The following TANC2 variants were observed in gnomAD, a reference collection of about 807,000 sequenced individuals.
The protein encoded by TANC2 is protein TANC2.
Under a neutral mutation model 210.5 loss-of-function variants are expected in TANC2, and 26 were observed. The observed-to-expected ratio is 0.12, with a 90% confidence interval of 0.09 to 0.17. The LOEUF (loss-of-function observed/expected upper bound fraction) is 0.17. Among genes scored for constraint, TANC2 ranks in the 10% least tolerant of loss-of-function variants. TANC2 has a pLI of 1.00. For synonymous variants in TANC2, 931 were observed against 967.1 expected, an observed-to-expected ratio of 0.96 and a Z score of 0.69; for missense variants, 2,129 against 2,608.9, an observed-to-expected ratio of 0.82 and a Z score of 4.01.
At chr17:63,417,891 G>A (rs2048913671) in intron 26 of TANC2, among the ~76,000 whole-genome samples, 1 of 152,168 alleles carries the variant, frequency 6.6e-6, no homozygotes, top group African/African-American at 2.4e-5. Context: ...GAAAGCCACA[G>A]TGTAGTGCAT....
chr17:63,196,491 G>T (rs1567805822), intron 6 of TANC2, among the ~76,000 whole-genome samples: 1 of 152,136 alleles, frequency 6.6e-6, no homozygotes, highest in South Asian at 2.1e-4. Context: ...TGTACTTGTT[G>T]TTCTTGAGAT....
intron 14 of TANC2, among the ~76,000 whole-genome samples, chr17:63,362,336 C>G (rs2046989059): frequency 6.6e-6 from 1 of 152,164 alleles, no homozygotes; most frequent in South Asian, 2.1e-4. Flanking sequence ...GAAAAAGCAC[C>G]ATAAGTTCTC....
intron 18 of TANC2, chr17:63,396,260 A>G: frequency 8.5e-6 from 2 of 234,910 alleles, no homozygotes; most frequent in Non-Finnish European, 1.7e-5. Flanking sequence ...ATAATGTGGC[A>G]CAGGAACAGC....
intron 19 of TANC2, among the ~76,000 whole-genome samples, chr17:63,399,593 T>C (rs192127697): frequency 6.6e-6 from 1 of 152,316 alleles, no homozygotes; most frequent in Non-Finnish European, 1.5e-5. Flanking sequence ...ATTAGTAACC[T>C]TGGATGTGTT....
intron 9 of TANC2, among the ~76,000 whole-genome samples, chr17:63,278,271 T>C (rs1233351776): frequency 6.6e-6 from 1 of 152,136 alleles, no homozygotes; most frequent in Non-Finnish European, 1.5e-5. Flanking sequence ...AAGAAACTCC[T>C]ACAACTCAGT....
intron 1 of TANC2, among the ~76,000 whole-genome samples, chr17:62,991,454 C>T (rs1449029119): frequency 5.3e-5 from 8 of 151,608 alleles, no homozygotes; most frequent in East Asian, 3.9e-4. Context: ...ATGGCTAACA[C>T]GACGAAACCC....
intron 3 of TANC2, among the ~76,000 whole-genome samples, chr17:63,079,866 C>T (rs767527764): frequency 6.6e-6 from 1 of 152,252 alleles, no homozygotes; most frequent in South Asian, 2.1e-4. Context: ...CATGCTCATA[C>T]TCACTGTTCC....
intron 11 of TANC2, 61 bp downstream of exon 11, chr17:63,319,151 G>T: frequency 6.5e-7 from 1 of 1,538,716 alleles, no homozygotes; most frequent in South Asian, 1.2e-5. Flanking sequence ...AGGAAGCAAA[G>T]ATAGGGAGAC....
intron 7 of TANC2, among the ~76,000 whole-genome samples, chr17:63,212,414 A>G (rs1481822618): frequency 1.3e-5 from 2 of 152,140 alleles, no homozygotes; most frequent in African/African-American, 4.8e-5. Context: ...AAAAATAGCT[A>G]TAGAAATATG....
chr17:63,276,794 T>C (rs934843526), intron 9 of TANC2, among the ~76,000 whole-genome samples: 1 of 152,200 alleles, frequency 6.6e-6, no homozygotes, highest in African/African-American at 2.4e-5. Context: ...ATACATTTAT[T>C]GGAGTTCTTA....
intron 4 of TANC2, among the ~76,000 whole-genome samples, chr17:63,129,683 C>T (rs1374429552): frequency 6.6e-6 from 1 of 151,294 alleles, no homozygotes; most frequent in Non-Finnish European, 1.5e-5. Context: ...GGCTTCATAT[C>T]TATAGTATTT....
chr17:63,021,684 A>G (rs1001624356), intron 2 of TANC2, among the ~76,000 whole-genome samples: 2 of 152,264 alleles, frequency 1.3e-5, no homozygotes, highest in African/African-American at 4.8e-5. Context: ...AGTTGTTGCT[A>G]TAACAATACT....
chr17:63,097,936 A>G (rs142211739), intron 3 of TANC2, among the ~76,000 whole-genome samples: 18 of 152,318 alleles, frequency 1.2e-4, no homozygotes, highest in African/African-American at 4.3e-4. Flanking sequence ...TTTGATGTCT[A>G]ATCTACATTT....
chr17:63,314,866 G>A (rs138719927), intron 10 of TANC2, among the ~76,000 whole-genome samples, 197 bp downstream of exon 10: 1 of 152,236 alleles, frequency 6.6e-6, no homozygotes, highest in East Asian at 1.9e-4. Flanking sequence ...TCACCTAAGC[G>A]TGACTGAAGA....
At chr17:63,047,744 A>G (rs1386417650) in intron 2 of TANC2, among the ~76,000 whole-genome samples, 1 of 152,224 alleles carries the variant, frequency 6.6e-6, no homozygotes, top group Non-Finnish European at 1.5e-5. Context: ...TTCTTCATTC[A>G]TCACTAGGTT....
intron 5 of TANC2, among the ~76,000 whole-genome samples, chr17:63,155,914 A>G (rs536037455): frequency 5.7e-4 from 87 of 152,306 alleles, no homozygotes; most frequent in African/African-American, 2.0e-3. Flanking sequence ...AAAGTGTTTT[A>G]TTTAAAGTGA....
intron 4 of TANC2, among the ~76,000 whole-genome samples, chr17:63,138,695 C>A (rs2039180025): frequency 6.6e-6 from 1 of 152,056 alleles, no homozygotes; most frequent in South Asian, 2.1e-4. Flanking sequence ...TCTTTCTGTG[C>A]CAGGTTTGGT....
intron 1 of TANC2, among the ~76,000 whole-genome samples, chr17:63,001,530 C>CTTTTTTTTTTTTTTTTTTTT (rs534398376): frequency 1.4e-5 from 2 of 140,138 alleles, no homozygotes; most frequent in Non-Finnish European, 1.5e-5. Flanking sequence ...CTTTTCTTTT[C>CTTTTTTTTTTTTTTTTTTTT]TTTTTTTTTT....
chr17:63,042,134 T>C (rs187372618), intron 2 of TANC2, among the ~76,000 whole-genome samples: 1 of 152,304 alleles, frequency 6.6e-6, no homozygotes, highest in East Asian at 1.9e-4. Context: ...TTACAGAAAA[T>C]ATTTAAAATA....
Sources: allele counts gnomAD v4.1 joint callset (sites outside exome capture counted in the v4.1 genomes callset), GRCh38; gene constraint gnomAD v4.1.1; transcripts MANE v1.5; gene names NCBI Gene and HGNC (gene_info 2026-07-23, HGNC 2026-07-21).